The following DGLUCY variants were observed in gnomAD, a reference collection of about 807,000 sequenced individuals.
DGLUCY encodes D-glutamate cyclase.
Under a neutral mutation model 58.5 loss-of-function variants are expected in DGLUCY, and 58 were observed. The ratio of observed to expected loss-of-function variants is 0.99; its 90% CI spans 0.80 to 1.23. The LOEUF (loss-of-function observed/expected upper bound fraction) is 1.23, where lower values mean the gene tolerates loss of function less well. DGLUCY is among the 50% of genes most tolerant of loss of function. The pLI, the probability that DGLUCY is intolerant of heterozygous loss-of-function variation, is 0.00. For synonymous variants in DGLUCY, 325 were observed against 314.1 expected, an observed-to-expected ratio of 1.03 and a Z score of -0.37; for missense variants, 779 against 784.7, an observed-to-expected ratio of 0.99 and a Z score of 0.09.
intron 1 of DGLUCY, among the ~76,000 whole-genome samples, chr14:91,145,824 G>A (rs181114692): frequency 1.5e-4 from 23 of 152,178 alleles, no homozygotes; most frequent in Admixed American, 2.6e-4. Flanking sequence ...TCACAGCAAG[G>A]GGCTTGTCCC....
intron 1 of DGLUCY, among the ~76,000 whole-genome samples, chr14:91,122,946 G>C (rs1384911804): frequency 3.9e-5 from 6 of 152,130 alleles, no homozygotes; most frequent in Non-Finnish European, 5.9e-5. Flanking sequence ...ATTCAGCAAA[G>C]AGGCACTCAC....
chr14:91,105,254 G>A (rs1406357540), upstream of DGLUCY, among the ~76,000 whole-genome samples: 2 of 152,046 alleles, frequency 1.3e-5, no homozygotes, highest in Non-Finnish European at 2.9e-5. Flanking sequence ...GGTGAACGTT[G>A]CAGTGAGCCA....
At chr14:91,062,129 CAAT>C (rs1372213634) in intron 1 of DGLUCY, among the ~76,000 whole-genome samples, 2 of 152,048 alleles carry the variant, frequency 1.3e-5, no homozygotes, top group African/African-American at 4.8e-5. Flanking sequence ...CAGTCATAGA[CAAT>C]AAATAAAAGA....
chr14:91,196,295 G>A (rs988617593), intron 9 of DGLUCY, 80 bp from the exon 10 acceptor site: 22 of 1,098,620 alleles, frequency 2.0e-5, no homozygotes, highest in Non-Finnish European at 2.9e-5. Flanking sequence ...ACCCTTCAAA[G>A]AAGCTTTTGA....
chr14:91,120,446 C>G (rs754039457), intron 1 of DGLUCY, among the ~76,000 whole-genome samples: 1 of 152,112 alleles, frequency 6.6e-6, no homozygotes, highest in African/African-American at 2.4e-5. Flanking sequence ...CTCTTGTCAC[C>G]CAGGCTGCAG....
At chr14:91,205,921 C>T (rs1468177648) in intron 12 of DGLUCY, among the ~76,000 whole-genome samples, 1 of 136,686 alleles carries the variant, frequency 7.3e-6, no homozygotes, top group Admixed American at 8.2e-5. Context: ...GTCGCTGCAA[C>T]CTCCGCCTCC....
intron 1 of DGLUCY, among the ~76,000 whole-genome samples, chr14:91,138,295 C>T (rs2046454207): frequency 6.6e-6 from 1 of 152,040 alleles, no homozygotes; most frequent in South Asian, 2.1e-4. Flanking sequence ...AGTTCGAAAC[C>T]AGCCTGACCA....
chr14:91,073,575 T>G (rs1047784961), intron 1 of DGLUCY, among the ~76,000 whole-genome samples: 9 of 152,170 alleles, frequency 5.9e-5, no homozygotes, highest in Admixed American at 2.0e-4. Context: ...CCTCAAGTGA[T>G]CCATCCCCGT....
At chr14:91,203,436 A>G (rs2050692586) in intron 11 of DGLUCY, among the ~76,000 whole-genome samples, 1 of 152,218 alleles carries the variant, frequency 6.6e-6, no homozygotes, top group Admixed American at 6.5e-5. Context: ...AGACACAAAA[A>G]CAATGATGTA....
intron 10 of DGLUCY, 103 bp from the exon 11 acceptor site, chr14:91,199,653 AG>A: frequency 7.5e-7 from 1 of 1,337,600 alleles, no homozygotes; most frequent in Non-Finnish European, 1.0e-6. Flanking sequence ...AAGGAATCAA[AG>A]AAAAAAAGAA....
chr14:91,068,881 T>A (rs2043870490), intron 1 of DGLUCY, among the ~76,000 whole-genome samples: 1 of 152,224 alleles, frequency 6.6e-6, no homozygotes, highest in Non-Finnish European at 1.5e-5. Flanking sequence ...GATGAAATGC[T>A]AAGAGTCAAT....
intron 1 of DGLUCY, among the ~76,000 whole-genome samples, chr14:91,078,857 CTGTT>C (rs1486636036): frequency 1.4e-5 from 2 of 147,400 alleles, no homozygotes; most frequent in South Asian, 2.2e-4. Context: ...TATTTTGTGT[CTGTT>C]TATTTATTTT....
In DGLUCY at chr14:91,160,417, TAAAAA is replaced by T. The variant is rs34785372; in HGVS notation, c.103+40_103+44del. On this transcript the variant is annotated intron_variant, in intron 3 of 13. Coordinates refer to ENST00000256324, the MANE Select transcript of DGLUCY (RefSeq NM_001102368.3). ...CTGGAGGTAAGTGGTGCCAGATAGT[TAAAAA>T]AAAAAAAAAAAAAAAAAAAGAAAGT... 4,871 of 575,122 alleles carry T rather than the reference TAAAAA, an allele frequency of 8.5e-3. No homozygotes were observed. The highest frequency in any genetic ancestry group is 0.01 in the East Asian group (268 of 26,070). 35.6% of individuals were successfully genotyped at this position (575,122 alleles called of 1,614,324 possible).
intron 1 of DGLUCY, among the ~76,000 whole-genome samples, chr14:91,063,082 T>A (rs1424660338): frequency 1.3e-5 from 2 of 152,124 alleles, no homozygotes; most frequent in African/African-American, 4.8e-5. Flanking sequence ...GGTGCTACAA[T>A]AGAATGTATC....
rs34785372 is a variant in DGLUCY, at chr14:91,160,417, TAAAAAAAAAA to T, written c.103+35_103+44del. On this transcript the variant is annotated intron_variant, in intron 3 of 13. Transcript: ENST00000256324. ...CTGGAGGTAAGTGGTGCCAGATAGT[TAAAAAAAAAA>T]AAAAAAAAAAAAAAGAAAGTTCCTG... 23 of 579,466 alleles carry T rather than the reference TAAAAAAAAAA, an allele frequency of 4.0e-5. No individual in the cohort carries two copies. Among genetic ancestry groups the T allele is most frequent in the African/African-American group, 2.3e-4 (8 of 34,336 alleles). 35.9% of individuals were successfully genotyped at this position (579,466 alleles called of 1,614,324 possible).
chr14:91,117,441 A>C (rs939461392), intron 1 of DGLUCY, among the ~76,000 whole-genome samples: 2 of 152,162 alleles, frequency 1.3e-5, no homozygotes, highest in African/African-American at 4.8e-5. Flanking sequence ...CTCTGGTTTG[A>C]AAGCCTCTGA....
intron 12 of DGLUCY, among the ~76,000 whole-genome samples, chr14:91,215,072 C>T (rs1353849001): frequency 1.3e-5 from 2 of 152,140 alleles, no homozygotes; most frequent in African/African-American, 4.8e-5. Context: ...TCGCTTGAAC[C>T]CAGGAGGCAG....
intron 1 of DGLUCY, among the ~76,000 whole-genome samples, chr14:91,088,608 G>C (rs535292142): frequency 6.6e-6 from 1 of 152,324 alleles, no homozygotes; most frequent in South Asian, 2.1e-4. Context: ...AGTGCTTTCA[G>C]GACAGAGATA....
chr14:91,192,092 A>G (rs1318691266), intron 9 of DGLUCY, among the ~76,000 whole-genome samples: 2 of 152,244 alleles, frequency 1.3e-5, no homozygotes, highest in Admixed American at 1.3e-4. Context: ...TTTATTTGCG[A>G]CAGTCATGAG....
Sources: gnomAD v4.1 joint callset for allele counts (sites outside exome capture counted in the v4.1 genomes callset) on GRCh38, gnomAD v4.1.1 for gene constraint, MANE v1.5 for transcripts, NCBI Gene and HGNC (gene_info 2026-07-23, HGNC 2026-07-21) for gene names.